The following ZNF277 variants were observed in gnomAD, a reference collection of about 807,000 sequenced individuals.
ZNF277 encodes nuclear receptor-interacting factor 4.
In ZNF277, 55 loss-of-function variants were observed where a neutral mutation model predicts 60.7. That is an observed-to-expected ratio of 0.91 (90% CI 0.73 to 1.13). The LOEUF (loss-of-function observed/expected upper bound fraction) is 1.13, where lower values mean the gene tolerates loss of function less well. ZNF277 is among the 50% of genes most tolerant of loss of function. The pLI is 0.00. For missense variants in ZNF277, 510 were observed against 523.0 expected, an observed-to-expected ratio of 0.98 and a Z score of 0.24; for synonymous variants, 178 against 179.3, an observed-to-expected ratio of 0.99 and a Z score of 0.06.
chr7:112,278,398 A>G (rs1051454730), intron 1 of ZNF277, among the ~76,000 whole-genome samples: 2 of 152,166 alleles, frequency 1.3e-5, no homozygotes, highest in African/African-American at 4.8e-5. Context: ...TAATTAATCC[A>G]TAGGAATTGC....
chr7:112,341,078 T>C (rs771824981), intron 11 of ZNF277, 32 bp downstream of exon 11: 2 of 1,534,438 alleles, frequency 1.3e-6, no homozygotes, highest in Admixed American at 4.5e-5. Flanking sequence ...GTGCACTTCT[T>C]ACTCCAACTC....
At chr7:112,236,381 C>A (rs1451956419) in intron 1 of ZNF277, among the ~76,000 whole-genome samples, 1 of 152,032 alleles carries the variant, frequency 6.6e-6, no homozygotes, top group Non-Finnish European at 1.5e-5. Context: ...AGGTACTACT[C>A]TGGTCAGGTA....
intron 1 of ZNF277, among the ~76,000 whole-genome samples, chr7:112,262,266 G>T (rs896675512): frequency 3.3e-5 from 4 of 122,994 alleles, no homozygotes; most frequent in Admixed American, 1.6e-4. Flanking sequence ...AAAAAAAAAA[G>T]ATCATTGAGC....
chr7:112,303,255 G>A lies in ZNF277; in HGVS notation c.465+6944G>A, dbSNP rs141362355. On this transcript the variant is annotated intron_variant, in intron 4 of 11. Transcript: ENST00000361822. ...TGTGAGCCACTGTGTCCAGCCAAATGTGACATTTTCTAAATTGACATTTGT... is the reference window on the plus strand; with the variant it reads ...TGTGAGCCACTGTGTCCAGCCAAATATGACATTTTCTAAATTGACATTTGT... Among the ~76,000 whole-genome samples the A allele has an allele frequency of 5.0e-3, 759 of 152,112 alleles. 10 individuals carry two copies. Among genetic ancestry groups the A allele is most frequent in the African/African-American group, 0.017 (698 of 41,520 alleles).
At chr7:112,309,342 G>A (rs1397544884) in intron 4 of ZNF277, among the ~76,000 whole-genome samples, 3 of 151,940 alleles carry the variant, frequency 2.0e-5, no homozygotes, top group East Asian at 1.9e-4. Context: ...TACAAAAACT[G>A]TGTTCAGGGA....
At chr7:112,265,489 G>A (rs543776100) in intron 1 of ZNF277, among the ~76,000 whole-genome samples, 3 of 151,964 alleles carry the variant, frequency 2.0e-5, no homozygotes, top group Non-Finnish European at 4.4e-5. Context: ...ATCACAGATC[G>A]CCATATCAGA....
intron 1 of ZNF277, among the ~76,000 whole-genome samples, chr7:112,211,384 G>A (rs1191917482): frequency 6.6e-6 from 1 of 152,168 alleles, no homozygotes; most frequent in Non-Finnish European, 1.5e-5. Flanking sequence ...CAGCCACTGT[G>A]CTAATTCCAT....
intron 4 of ZNF277, among the ~76,000 whole-genome samples, chr7:112,298,517 G>A (rs1446806759): frequency 6.6e-6 from 1 of 152,132 alleles, no homozygotes; most frequent in Non-Finnish European, 1.5e-5. Flanking sequence ...CTAAATTGTG[G>A]AAATCCTTCA....
chr7:112,263,034 T>C (rs551184182), intron 1 of ZNF277, among the ~76,000 whole-genome samples: 70 of 152,334 alleles, frequency 4.6e-4, no homozygotes, highest in African/African-American at 1.6e-3. Context: ...TCAGACTTTA[T>C]GGATGCCAGT....
chr7:112,343,317 A>G lies in ZNF277; in HGVS notation c.*588A>G, dbSNP rs1205553289. On this transcript the variant is annotated 3_prime_UTR_variant, in exon 12 of 12. Coordinates refer to ENST00000361822, the MANE Select transcript of ZNF277 (RefSeq NM_021994.3). ...TACCACTTTCTGCCTAGGGTGGCCA[A>G]ATTCCCTAGAAATAGACATCAAGCC... Among the ~76,000 whole-genome samples, 1 of 152,018 alleles carries G rather than the reference A, an allele frequency of 6.6e-6. No homozygotes were observed. Among genetic ancestry groups the G allele is most frequent in the Non-Finnish European group, 1.5e-5 (1 of 68,036 alleles).
chr7:112,236,711 A>G (rs563809965), intron 1 of ZNF277, among the ~76,000 whole-genome samples: 123 of 152,150 alleles, frequency 8.1e-4, no homozygotes, highest in Non-Finnish European at 1.4e-3. Flanking sequence ...TCCATATTAG[A>G]AAGTAAACAC....
intron 4 of ZNF277, among the ~76,000 whole-genome samples, chr7:112,307,916 A>G (rs1490341134): frequency 6.6e-6 from 1 of 151,890 alleles, no homozygotes; most frequent in Non-Finnish European, 1.5e-5. Context: ...ATATATATGT[A>G]TTTGTCTACT....
chr7:112,267,857 C>G (rs1219521075), intron 1 of ZNF277, among the ~76,000 whole-genome samples: 2 of 152,124 alleles, frequency 1.3e-5, no homozygotes, highest in Non-Finnish European at 2.9e-5. Flanking sequence ...TTGCCCCAGC[C>G]AAGACCTTCA....
rs570505302 is a variant in ZNF277 at position 112,215,959 on chromosome 7, C to T, written c.91+9152C>T. The stretch of plus-strand genomic sequence containing the variant: ...ATCCTGTACCCGCTAATCGTAATTA[C>T]CATTATAAAGCAATTAATAGCAGAA... On this transcript the variant is annotated intron_variant, in intron 1 of 11. Coordinates refer to ENST00000361822, the MANE Select transcript of ZNF277 (RefSeq NM_021994.3). Among the ~76,000 whole-genome samples the T allele has an allele frequency of 8.6e-4, 131 of 152,250 alleles. 1 individual carries two copies. The highest frequency in any genetic ancestry group is 1.4e-3 in the Non-Finnish European group (96 of 68,024).
At position 112,312,544 on chromosome 7, in the gene ZNF277, TG is replaced by T. The variant is rs150280710; in HGVS notation, c.466-5637del. ...TTTAGGAGTAAAGCATCATCGTATC[TG>T]CAACTTATTTTCAAATAGTACAGCC... On this transcript the variant is annotated intron_variant, in intron 4 of 11. Coordinates refer to ENST00000361822, the MANE Select transcript of ZNF277 (RefSeq NM_021994.3). 7.0e-3 allele frequency among the ~76,000 whole-genome samples: 1,068 copies of T among 152,194 alleles called. 11 individuals are homozygous for T. Among genetic ancestry groups the T allele is most frequent in the African/African-American group, 0.025 (1,026 of 41,534 alleles).
chr7:112,245,452 G>A (rs937335203), intron 1 of ZNF277, among the ~76,000 whole-genome samples: 1 of 152,150 alleles, frequency 6.6e-6, no homozygotes, highest in Non-Finnish European at 1.5e-5. Flanking sequence ...GGTTGTTGTG[G>A]ATACGTTCGT....
Position 112,277,120 on chromosome 7 carries a change from G to GCAC in ZNF277, c.92-9753_92-9752insCAC, listed in dbSNP as rs1459409212. 1.5e-4 allele frequency among the ~76,000 whole-genome samples: 18 copies of GCAC among 117,976 alleles called. 1 individual carries two copies. In the Admixed American group the frequency reaches 2.1e-3, roughly 14 times the overall value. The allele number at this position is 117,976 out of a possible 152,430, so 77.4% of individuals were successfully genotyped here. ...TTTTTTTGAGACAGAGTCTCCCTCT[G>GCAC]TCGCCCAGGCTGGAGTGCAGTGGCA... On this transcript the variant is annotated intron_variant, in intron 1 of 11. Coordinates refer to ENST00000361822, the MANE Select transcript of ZNF277 (RefSeq NM_021994.3).
chr7:112,321,214 C>T (rs958499078), intron 5 of ZNF277, among the ~76,000 whole-genome samples: 2 of 152,036 alleles, frequency 1.3e-5, no homozygotes, highest in Admixed American at 1.3e-4. Flanking sequence ...AGCCACCGCA[C>T]CCGGCTCCCT....
chr7:112,310,489 G>GAA (rs1305151299), intron 4 of ZNF277, among the ~76,000 whole-genome samples: 56 of 142,944 alleles, frequency 3.9e-4, no homozygotes, highest in African/African-American at 1.6e-3. Flanking sequence ...GTGTGTGTGT[G>GAA]TGTATGTATT....
Sources: gnomAD v4.1 joint callset for allele counts (sites outside exome capture counted in the v4.1 genomes callset) on GRCh38, gnomAD v4.1.1 for gene constraint, MANE v1.5 for transcripts, NCBI Gene and HGNC (gene_info 2026-07-23, HGNC 2026-07-21) for gene names.